The following PRKX variants were observed in gnomAD, a reference collection of about 807,000 sequenced individuals.
PRKX encodes the protein protein kinase cAMP-dependent X-linked catalytic subunit.
Under a neutral mutation model 22.0 loss-of-function variants are expected in PRKX, and 12 were observed. That is an observed-to-expected ratio of 0.54 (90% CI 0.35 to 0.88). PRKX has a LOEUF of 0.88. Ranked by LOEUF, PRKX falls within the 40% of genes least tolerant of loss-of-function variation. The pLI is 0.01. For missense variants in PRKX, 217 were observed against 308.0 expected (o/e 0.70, Z 2.21); for synonymous variants, 134 against 137.7 (o/e 0.97, Z 0.19).
intron 3 of PRKX, among the ~76,000 whole-genome samples, chrX:3,648,606 C>CTGTGTGTGTGTGTGTGTGTG (rs58698248): frequency 1.4e-5 from 1 of 72,265 alleles, no homozygotes; most frequent in African/African-American, 5.9e-5. Flanking sequence ...CTCTCTACTC[C>CTGTGTGTGTGTGTGTGTGTG]TGTGTGTGTG....
chrX:3,660,068 T>C (rs1414956503), intron 2 of PRKX, among the ~76,000 whole-genome samples: 2 of 112,107 alleles, frequency 1.8e-5, no homozygotes, highest in Non-Finnish European at 3.8e-5. Flanking sequence ...CTCTCAGTAA[T>C]ATTTCGTGAT....
intron 2 of PRKX, among the ~76,000 whole-genome samples, chrX:3,664,190 T>C (rs62583682): frequency 0.19 from 21,148 of 111,408 alleles, 1,591 homozygotes; most frequent in East Asian, 0.35. Flanking sequence ...AGCGCATCCA[T>C]GGCCCCTTTC....
At chrX:3,707,059 C>A (rs1928699934) in intron 1 of PRKX, among the ~76,000 whole-genome samples, 1 of 111,557 alleles carries the variant, frequency 9.0e-6, no homozygotes, top group Non-Finnish European at 1.9e-5. Context: ...CCTGGGAGGT[C>A]GAGGCTGCAG....
intron 1 of PRKX, among the ~76,000 whole-genome samples, chrX:3,703,819 C>G (rs1603474906): frequency 1.8e-5 from 2 of 108,172 alleles, no homozygotes. Context: ...TGACAGGCAC[C>G]CACTACGGTG....
chrX:3,671,180 C>T (rs1415913810), intron 2 of PRKX, among the ~76,000 whole-genome samples: 9 of 111,058 alleles, frequency 8.1e-5, no homozygotes, highest in African/African-American at 1.6e-4. Flanking sequence ...GGGTTATAGA[C>T]GTGCGCCACC....
intron 1 of PRKX, among the ~76,000 whole-genome samples, chrX:3,686,403 AT>A (rs757799598): frequency 3.4e-3 from 325 of 96,728 alleles, no homozygotes; most frequent in Middle Eastern, 5.3e-3. Context: ...AAAGCTGATG[AT>A]TTTTTTTTTT....
intron 1 of PRKX, among the ~76,000 whole-genome samples, chrX:3,693,581 GC>G (rs1198051313): frequency 1.8e-5 from 2 of 110,961 alleles, no homozygotes; most frequent in Non-Finnish European, 1.9e-5. Flanking sequence ...GTTGAATGGT[GC>G]CCCCCAAAAA....
chrX:3,658,152 A>G (rs1333932591), intron 2 of PRKX, among the ~76,000 whole-genome samples: 2 of 110,127 alleles, frequency 1.8e-5, no homozygotes, highest in Non-Finnish European at 3.8e-5. Flanking sequence ...CACCACGCCC[A>G]GCTAATTTTT....
Position 3,631,700 on chromosome X carries a change from C to T in PRKX, c.720-5186G>A, listed in dbSNP as rs185639029. 1.0e-3 allele frequency among the ~76,000 whole-genome samples: 113 copies of T among 111,129 alleles called. 2 individuals carry two copies. In the East Asian group the frequency reaches 0.027, roughly 27 times the overall value. On this transcript the variant is annotated intron_variant, in intron 4 of 8. Transcript: ENST00000262848. ...GACAGGTGGCCTTCCTTCTAAGAGA[C>T]TGAAGAGGAGACAGAGACATAGAGG...
chrX:3,684,251 C>CA (rs1928131446), intron 1 of PRKX, among the ~76,000 whole-genome samples: 2 of 111,564 alleles, frequency 1.8e-5, no homozygotes, highest in South Asian at 3.7e-4. Flanking sequence ...GACTCCGTCT[C>CA]AAAAAAACAA....
At chrX:3,700,508 C>A (rs184216596) in intron 1 of PRKX, among the ~76,000 whole-genome samples, 8 of 111,449 alleles carry the variant, frequency 7.2e-5, no homozygotes, top group Non-Finnish European at 1.1e-4. Context: ...TATTTTGAGT[C>A]GTTACTGATT....
Position 3,607,001 on chromosome X carries a change from T to C in PRKX, c.*1968A>G, listed in dbSNP as rs1195634796. ...AGTTCACAATTAAGGCATTTCAGGCTTTCCTGATGCTAATTCTCATCTGAG... is the reference window on the plus strand; with the variant it reads ...AGTTCACAATTAAGGCATTTCAGGCCTTCCTGATGCTAATTCTCATCTGAG... On this transcript the variant is annotated 3_prime_UTR_variant, in exon 9 of 9. Transcript: ENST00000262848. 2 of 112,334 alleles carry C rather than the reference T, an allele frequency of 1.8e-5. No homozygotes were observed. The highest frequency in any genetic ancestry group is 3.7e-5 in the Non-Finnish European group (2 of 53,340). 9.3% of individuals were successfully genotyped at this position (112,334 alleles called of 1,213,427 possible).
intron 1 of PRKX, among the ~76,000 whole-genome samples, chrX:3,707,903 C>T (rs1928715553): frequency 8.9e-6 from 1 of 111,746 alleles, no homozygotes; most frequent in South Asian, 3.7e-4. Flanking sequence ...AACAACACTC[C>T]TAATTGCTAT....
chrX:3,672,150 G>GCA (rs1212868390), intron 2 of PRKX, among the ~76,000 whole-genome samples: 1 of 110,445 alleles, frequency 9.1e-6, no homozygotes, highest in East Asian at 2.8e-4. Context: ...AGCTGTGATT[G>GCA]CACCATTGCA....
chrX:3,673,851 T>C (rs1297642981), intron 2 of PRKX, among the ~76,000 whole-genome samples: 1 of 110,782 alleles, frequency 9.0e-6, no homozygotes, highest in East Asian at 2.9e-4. Flanking sequence ...GTCTCATGAA[T>C]GGGACGAGTG....
chrX:3,644,951 G>A (rs1365954274), intron 3 of PRKX, among the ~76,000 whole-genome samples: 1 of 111,622 alleles, frequency 9.0e-6, no homozygotes, highest in East Asian at 2.8e-4. Flanking sequence ...ACCTGAGGTT[G>A]TATGAGGCTG....
intron 3 of PRKX, among the ~76,000 whole-genome samples, chrX:3,643,774 C>G (rs1174401368): frequency 2.7e-5 from 3 of 111,504 alleles, no homozygotes; most frequent in Non-Finnish European, 5.6e-5. Context: ...TCCACAGAGT[C>G]TGGTAATATA....
chrX:3,669,376 T>A (rs1223117426), intron 2 of PRKX, among the ~76,000 whole-genome samples: 1 of 112,016 alleles, frequency 8.9e-6, no homozygotes, highest in Non-Finnish European at 1.9e-5. Flanking sequence ...CAACTATCTG[T>A]CACAGTGGTT....
chrX:3,696,487 G>C (rs925964276), intron 1 of PRKX, among the ~76,000 whole-genome samples: 11 of 111,953 alleles, frequency 9.8e-5, no homozygotes, highest in Non-Finnish European at 1.5e-4. Flanking sequence ...ATCACCTAAC[G>C]TGAAGCCTAG....
Sources: gnomAD v4.1 joint callset for allele counts (sites outside exome capture counted in the v4.1 genomes callset) on GRCh38, gnomAD v4.1.1 for gene constraint, MANE v1.5 for transcripts, NCBI Gene and HGNC (gene_info 2026-07-23, HGNC 2026-07-21) for gene names.